Variants in DOCK9 observed in about 807,000 individuals in gnomAD.
DOCK9 encodes the protein dedicator of cytokinesis protein 9.
DOCK9 carries 89 observed loss-of-function variants against 263.3 expected under a neutral mutation model. The ratio of observed to expected loss-of-function variants is 0.34; its 90% CI spans 0.28 to 0.40. The LOEUF is 0.40. Among genes scored for constraint, DOCK9 ranks in the 10% least tolerant of loss-of-function variants. The probability of loss-of-function intolerance (pLI) is 1.00; values close to 1 mark genes in which losing one functional copy is unlikely to be tolerated. For missense variants in DOCK9, 2,140 were observed against 2,603.4 expected (o/e 0.82, Z 3.87); for synonymous variants, 976 against 973.1 (o/e 1.00, Z -0.06).
At chr13:98,849,393 T>G (rs2093491760) in intron 36 of DOCK9, among the ~76,000 whole-genome samples, 1 of 151,966 alleles carries the variant, frequency 6.6e-6, no homozygotes, top group Non-Finnish European at 1.5e-5. Flanking sequence ...TTAGTTATGA[T>G]TTATTCAATT....
intron 1 of DOCK9, among the ~76,000 whole-genome samples, chr13:99,031,925 A>G (rs1394764917): frequency 2.0e-5 from 3 of 152,200 alleles, no homozygotes; most frequent in African/African-American, 7.2e-5. Flanking sequence ...GATTCCTCCA[A>G]CTTCCACAAA....
In DOCK9 at chr13:98,977,850, C is replaced by T. The variant is rs147408595; in HGVS notation, c.60G>A (p.Glu20=). 8.3e-3 allele frequency: 13,402 copies of T among 1,607,386 alleles called. 78 individuals carry two copies. Among genetic ancestry groups the T allele is most frequent in the Non-Finnish European group, 0.01 (12,249 of 1,176,620 alleles). The change falls in exon 1 of 53, where the codon GAG becomes GAA. Residue 20 remains glutamate (E), a synonymous_variant. Coordinates refer to ENST00000682017, the MANE Select transcript of DOCK9 (RefSeq NM_001366683.2). ...CTGCATCCTTGTATTGCAGGGGGGA[C>T]TCAATCACCAGTTCCTTTTTGACAC... ...SRSVKKELVI[E]SPLQYKDAAQ...
chr13:98,942,644 T>A (rs1210766973), intron 2 of DOCK9, among the ~76,000 whole-genome samples: 9 of 152,230 alleles, frequency 5.9e-5, no homozygotes, highest in Non-Finnish European at 1.0e-4. Context: ...CCATCACAGT[T>A]ACGTGTTGCA....
rs2092666830 is a variant in DOCK9, at chr13:98,829,239, C to T, written c.4965+68G>A. The T allele has an allele frequency of 2.1e-6, 3 of 1,430,790 alleles. No individual in the cohort carries two copies. Among genetic ancestry groups the T allele is most frequent in the Admixed American group, 2.2e-5 (1 of 45,402 alleles). 88.6% of individuals were successfully genotyped at this position (1,430,790 alleles called of 1,614,324 possible). A position where few individuals can be genotyped will look rare whatever the true frequency, so the allele number is the denominator to read the frequency against. On this transcript the variant is annotated intron_variant, in intron 43 of 52. Transcript: ENST00000682017. This position sits in a 1 kb window ranked among gnomAD's most constrained non-coding sequence, Gnocchi z 4.1. ...ATGGAATAACTTTTCTCAAAACTGG[C>T]TTTTTAAGTGAATGGGGCCTCACTG...
intron 27 of DOCK9, among the ~76,000 whole-genome samples, chr13:98,870,032 G>A (rs546153580): frequency 2.0e-5 from 3 of 152,348 alleles, no homozygotes; most frequent in Middle Eastern, 3.4e-3. Flanking sequence ...AGAGAGAAAT[G>A]AACCTTCTGT....
At chr13:98,815,366 AC>A (rs1239588778) in intron 45 of DOCK9, among the ~76,000 whole-genome samples, 5 of 152,226 alleles carry the variant, frequency 3.3e-5, no homozygotes, top group African/African-American at 1.2e-4. Flanking sequence ...AGGGCATGGA[AC>A]TTTTCCCATT....
At chr13:98,926,809 A>G (rs1193654503) in intron 3 of DOCK9, among the ~76,000 whole-genome samples, 1 of 152,278 alleles carries the variant, frequency 6.6e-6, no homozygotes, top group Non-Finnish European at 1.5e-5. Flanking sequence ...GAGTGAATCA[A>G]TGAAAACATA....
At chr13:98,818,660 C>G (rs2092063759) in intron 45 of DOCK9, among the ~76,000 whole-genome samples, 1 of 151,516 alleles carries the variant, frequency 6.6e-6, no homozygotes, top group African/African-American at 2.4e-5. Context: ...ATATTTAAGT[C>G]TAGGCTAATA....
intron 1 of DOCK9, among the ~76,000 whole-genome samples, chr13:98,983,454 G>A (rs1468768385): frequency 2.6e-5 from 4 of 152,100 alleles, no homozygotes; most frequent in Non-Finnish European, 4.4e-5. Flanking sequence ...AAGAGCCAGC[G>A]AGGGAGGAGA....
At chr13:98,940,372 A>G (rs1336950556) in intron 2 of DOCK9, among the ~76,000 whole-genome samples, 1 of 152,218 alleles carries the variant, frequency 6.6e-6, no homozygotes, top group Non-Finnish European at 1.5e-5. Flanking sequence ...CCCAAGGAAC[A>G]CATTTAAAAC....
At position 98,880,563 on chromosome 13, in the gene DOCK9, C is replaced by T. The variant is rs1259532100; in HGVS notation, c.2855G>A (p.Ser952Asn). 11 of 1,613,712 alleles carry T rather than the reference C, an allele frequency of 6.8e-6. No individual in the cohort carries two copies. Among genetic ancestry groups the T allele is most frequent in the Middle Eastern group, 1.6e-4 (1 of 6,084 alleles). ...ILKPSADFLT[S>N]NKLLKYSWFF... ...CTGACATACCTTCAGTAGTTTGTTG[C>T]TGGTGAGGAAATCGGCAGAAGGCTT... The change falls in exon 26 of 53, where the codon AGC becomes AAC. Residue 952 changes from serine (S) to asparagine (N), a missense_variant. Ser to Asn is a conservative substitution (Grantham distance 46). Coordinates refer to ENST00000682017, the MANE Select transcript of DOCK9 (RefSeq NM_001366683.2).
At chr13:98,903,894 T>C (rs1228505453) in intron 10 of DOCK9, among the ~76,000 whole-genome samples, 3 of 152,184 alleles carry the variant, frequency 2.0e-5, no homozygotes, top group Non-Finnish European at 4.4e-5. Flanking sequence ...GGACAAATAC[T>C]GTATGATTCC....
At chr13:98,956,032 T>A (rs1198103582) in intron 1 of DOCK9, among the ~76,000 whole-genome samples, 1 of 152,212 alleles carries the variant, frequency 6.6e-6, no homozygotes, top group Non-Finnish European at 1.5e-5. Context: ...TCTCAAAATA[T>A]CCCTGCCTAT....
At chr13:98,908,612 C>T (rs897647117) in intron 9 of DOCK9, among the ~76,000 whole-genome samples, 2 of 152,010 alleles carry the variant, frequency 1.3e-5, no homozygotes, top group African/African-American at 4.8e-5. Context: ...TTAAGTGATA[C>T]AGAAAATTTC....
intron 1 of DOCK9, chr13:99,086,103 G>C (rs911665393): frequency 7.6e-7 from 1 of 1,309,522 alleles, no homozygotes. Flanking sequence ...TTGATTCCGC[G>C]GACCCAGCAG....
chr13:98,963,008 G>T (rs2058821905), intron 1 of DOCK9, among the ~76,000 whole-genome samples: 2 of 152,258 alleles, frequency 1.3e-5, no homozygotes, highest in South Asian at 4.2e-4. Flanking sequence ...GCTCACAGAG[G>T]GTTATGTGGC....
intron 30 of DOCK9, among the ~76,000 whole-genome samples, chr13:98,866,036 T>C (rs1431598113): frequency 6.6e-6 from 1 of 152,038 alleles, no homozygotes; most frequent in East Asian, 1.9e-4. Flanking sequence ...ACCTATCTGT[T>C]CTCTCAGCCC....
chr13:99,051,158 A>T lies in DOCK9; in HGVS notation c.129+35065T>A, dbSNP rs377262991. 3.8e-4 allele frequency among the ~76,000 whole-genome samples: 58 copies of T among 152,244 alleles called. 2 individuals carry two copies. Among genetic ancestry groups the T allele is most frequent in the African/African-American group, 1.4e-3 (57 of 41,542 alleles). ...TGTCACCTGAAGCAATGGGGGAGGG[A>T]AGGGGAGGTAATAGTGGCCTTGAAA... On this transcript the variant is annotated intron_variant, in intron 1 of 32. Coordinates refer to the DOCK9 transcript ENST00000427887.
chr13:98,889,395 AAAAAT>A (rs1566870079), intron 15 of DOCK9, among the ~76,000 whole-genome samples: 1 of 152,232 alleles, frequency 6.6e-6, no homozygotes, highest in Non-Finnish European at 1.5e-5. Flanking sequence ...TATTGAAATA[AAAAAT>A]AAAATAAAAC....
Sources: allele counts gnomAD v4.1 joint callset (sites outside exome capture counted in the v4.1 genomes callset), GRCh38; gene constraint gnomAD v4.1.1; non-coding constraint Gnocchi (gnomAD v3.1); transcripts MANE v1.5; gene names NCBI Gene and HGNC (gene_info 2026-07-23, HGNC 2026-07-21).